Variants in CNOT2 observed in about 807,000 individuals in gnomAD.
CNOT2 encodes the protein CC chemokine receptor 4-negative regulator of transcription 2.
In CNOT2, 7 loss-of-function variants were observed where a neutral mutation model predicts 72.1. The ratio of observed to expected loss-of-function variants is 0.10; its 90% CI spans 0.06 to 0.18. The LOEUF is 0.18. Among genes scored for constraint, CNOT2 ranks in the 10% least tolerant of loss-of-function variants. CNOT2 has a pLI of 1.00. For missense variants in CNOT2, 345 were observed against 660.3 expected, an observed-to-expected ratio of 0.52 and a Z score of 5.23; for synonymous variants, 196 against 225.6, an observed-to-expected ratio of 0.87 and a Z score of 1.17.
At chr12:70,304,499 G>A (rs918741483) in intron 2 of CNOT2, among the ~76,000 whole-genome samples, 5 of 152,272 alleles carry the variant, frequency 3.3e-5, no homozygotes, top group East Asian at 1.9e-4. Flanking sequence ...TATCAGCAGC[G>A]GTGGCTGCAG....
chr12:70,300,082 G>A (rs1451108239), intron 2 of CNOT2, among the ~76,000 whole-genome samples: 8 of 151,882 alleles, frequency 5.3e-5, no homozygotes, highest in Non-Finnish European at 1.2e-4. Context: ...GTTTTTTCTT[G>A]TAAATTTGTT....
In CNOT2 at chr12:70,342,190, T is replaced by G; in HGVS notation, c.1240+22T>G. ...ATAGGTAGGAGAATCTATTTGTGTTTAGACCTTTTAAAAAGAAATTTACAA... is the reference window on the plus strand; with the variant it reads ...ATAGGTAGGAGAATCTATTTGTGTTGAGACCTTTTAAAAAGAAATTTACAA... On this transcript the variant is annotated intron_variant, in intron 12 of 15. Coordinates refer to ENST00000229195, the MANE Select transcript of CNOT2 (RefSeq NM_014515.7). 1.9e-6 allele frequency: 3 copies of G among 1,612,564 alleles called. No homozygotes were observed. In the Admixed American group the frequency reaches 5.0e-5, roughly 27 times the overall value.
intron 2 of CNOT2, among the ~76,000 whole-genome samples, chr12:70,299,522 C>T (rs1322486120): frequency 2.0e-5 from 3 of 152,056 alleles, no homozygotes; most frequent in African/African-American, 7.3e-5. Flanking sequence ...TGGTTTCCAG[C>T]TTCATCCACG....
In CNOT2 at chr12:70,346,122, A is replaced by G. The variant is rs112468050; in HGVS notation, c.1392-58A>G. The G allele has an allele frequency of 2.2e-5, 25 of 1,161,928 alleles. 1 individual carries two copies. In the African/African-American group the frequency reaches 2.7e-4, roughly 12 times the overall value. 72.0% of individuals were successfully genotyped at this position (1,161,928 alleles called of 1,614,324 possible). ...GGAGGAAAGCTTTACAAAATGTAGA[A>G]CATGTTTGATGTAAGCCACAGGAAA... On this transcript the variant is annotated intron_variant, in intron 14 of 15. Coordinates refer to ENST00000229195, the MANE Select transcript of CNOT2 (RefSeq NM_014515.7).
intron 5 of CNOT2, 114 bp downstream of exon 5, chr12:70,329,684 C>T: frequency 5.4e-6 from 4 of 739,232 alleles, no homozygotes; most frequent in Non-Finnish European, 9.3e-6. Context: ...GTGCCTTTCA[C>T]TGAGGAAGAA....
At chr12:70,300,993 G>T (rs921505937) in intron 2 of CNOT2, among the ~76,000 whole-genome samples, 1 of 152,120 alleles carries the variant, frequency 6.6e-6, no homozygotes, top group African/African-American at 2.4e-5. Context: ...TTGTGAATGG[G>T]AGTTCTTTCA....
intron 1 of CNOT2, among the ~76,000 whole-genome samples, chr12:70,248,835 C>G (rs1289106574): frequency 6.6e-6 from 1 of 151,984 alleles, no homozygotes; most frequent in Non-Finnish European, 1.5e-5. Flanking sequence ...ACTCAGGACA[C>G]CAGTCCTTTC....
intron 2 of CNOT2, among the ~76,000 whole-genome samples, chr12:70,303,625 C>T (rs1160537747): frequency 6.6e-6 from 1 of 152,160 alleles, no homozygotes; most frequent in Admixed American, 6.5e-5. Context: ...GGTAACCCGA[C>T]CTTTCTCTCT....
At chr12:70,273,354 A>AT (rs368220365) in intron 1 of CNOT2, among the ~76,000 whole-genome samples, 66 of 152,150 alleles carry the variant, frequency 4.3e-4, no homozygotes, top group African/African-American at 1.5e-3. Context: ...AGTTGATTAC[A>AT]TTCTTCCTTG....
intron 4 of CNOT2, among the ~76,000 whole-genome samples, chr12:70,321,130 C>A (rs1035245662): frequency 6.6e-6 from 1 of 151,754 alleles, no homozygotes; most frequent in African/African-American, 2.4e-5. Flanking sequence ...AACTATATTC[C>A]TGTAACATTG....
rs562019635 is a variant in CNOT2 at position 70,311,308 on chromosome 12, TTTTG to T, written c.171+298_171+301del. On this transcript the variant is annotated intron_variant, in intron 3 of 15. Transcript: ENST00000229195. ...GTATAACTTCTAGATCACTGATTTT[TTTTG>T]TTTGTTCAATATGGGAAATAACTTG... Among the ~76,000 whole-genome samples the T allele has an allele frequency of 4.6e-5, 7 of 152,182 alleles. No individual in the cohort carries two copies. In the South Asian group the frequency reaches 8.3e-4, roughly 18 times the overall value.
chr12:70,288,405 G>A (rs528102650), intron 2 of CNOT2, among the ~76,000 whole-genome samples: 13 of 151,788 alleles, frequency 8.6e-5, no homozygotes, highest in Non-Finnish European at 1.5e-4. Context: ...CCTCGGCCTG[G>A]GATTACAGTG....
chr12:70,296,905 T>C (rs1194748508), intron 2 of CNOT2, among the ~76,000 whole-genome samples: 1 of 152,198 alleles, frequency 6.6e-6, no homozygotes, highest in African/African-American at 2.4e-5. Context: ...ATTTCCAGGT[T>C]GTAACAATAT....
chr12:70,304,248 G>A (rs1307189946), intron 2 of CNOT2, among the ~76,000 whole-genome samples: 5 of 152,146 alleles, frequency 3.3e-5, no homozygotes, highest in African/African-American at 1.2e-4. Flanking sequence ...CTGGTGAGGA[G>A]CTACATTCCT....
intron 1 of CNOT2, among the ~76,000 whole-genome samples, chr12:70,246,958 A>G (rs1352276219): frequency 6.6e-6 from 1 of 152,176 alleles, no homozygotes; most frequent in African/African-American, 2.4e-5. Context: ...AAAACAGTTT[A>G]CAATGTTTGC....
At chr12:70,313,564 A>G (rs1271964627) in intron 3 of CNOT2, among the ~76,000 whole-genome samples, 2 of 151,856 alleles carry the variant, frequency 1.3e-5, no homozygotes, top group African/African-American at 4.8e-5. Context: ...TTTTTTCTAC[A>G]AGCTTATCCA....
chr12:70,271,407 T>C (rs2135779432), intron 1 of CNOT2, among the ~76,000 whole-genome samples: 1 of 138,322 alleles, frequency 7.2e-6, no homozygotes, highest in East Asian at 2.2e-4. Context: ...TGAGACAGGG[T>C]TTCTTGCCCA....
At chr12:70,299,915 T>G (rs1196572359) in intron 2 of CNOT2, among the ~76,000 whole-genome samples, 1 of 152,246 alleles carries the variant, frequency 6.6e-6, no homozygotes, top group East Asian at 1.9e-4. Context: ...TGATTGCCAT[T>G]CTAACTGTTG....
rs1283783150 is a variant in CNOT2, at chr12:70,288,605, CT to C, written c.48+10333del. ...CCTCCCTTGCAGGTTCAGCTGTACA[CT>C]TAAAAATGTAACCTCTGTTAGTGTT... On this transcript the variant is annotated intron_variant, in intron 2 of 15. Coordinates refer to ENST00000229195, the MANE Select transcript of CNOT2 (RefSeq NM_014515.7). Among the ~76,000 whole-genome samples the C allele has an allele frequency of 3.3e-5, 5 of 152,262 alleles. No individual in the cohort carries two copies. The East Asian group carries it at 9.7e-4, about 29-fold the overall frequency.
Sources: gnomAD v4.1 joint callset for allele counts (sites outside exome capture counted in the v4.1 genomes callset) on GRCh38, gnomAD v4.1.1 for gene constraint, MANE v1.5 for transcripts, NCBI Gene and HGNC (gene_info 2026-07-23, HGNC 2026-07-21) for gene names.